ARF4: variants seen among roughly 807,000 people sequenced by gnomAD.
The protein encoded by ARF4 is ARF GTPase 4, also known as ADP-ribosylation factor 4.
In ARF4, 5 loss-of-function variants were observed where a neutral mutation model predicts 24.3. That is an observed-to-expected ratio of 0.21 (90% CI 0.11 to 0.43). ARF4 has a LOEUF of 0.43. Among genes scored for constraint, ARF4 ranks in the 20% least tolerant of loss-of-function variants. The probability of loss-of-function intolerance (pLI) is 1.00; values close to 1 mark genes in which losing one functional copy is unlikely to be tolerated. For missense variants in ARF4, 107 were observed against 213.0 expected, an observed-to-expected ratio of 0.50 and a Z score of 3.10; for synonymous variants, 62 against 73.5, an observed-to-expected ratio of 0.84 and a Z score of 0.80.
intron 2 of ARF4, 176 bp from the exon 3 acceptor site, chr3:57,584,183 G>T: frequency 1.4e-6 from 1 of 699,910 alleles, no homozygotes; most frequent in South Asian, 2.0e-5. Flanking sequence ...GGCTGGTCTT[G>T]AACTCCTGGG....
rs951563440 is a variant in ARF4 at position 57,578,754 on chromosome 3, C to T, written c.259-1367G>A. 5.9e-5 allele frequency among the ~76,000 whole-genome samples: 9 copies of T among 152,064 alleles called. No individual in the cohort carries two copies. In the East Asian group the frequency reaches 1.7e-3, roughly 29 times the overall value. ...TTGGCCTCCCAAAGTGTTGGGATTA[C>T]AGGCATGAGCCATGGCACCTGGCCC... On this transcript the variant is annotated intron_variant, in intron 3 of 5. Coordinates refer to ENST00000303436, the MANE Select transcript of ARF4 (RefSeq NM_001660.4).
At chr3:57,596,936 A>T in intron 1 of ARF4, 138 bp downstream of exon 1, 2 of 860,326 alleles carry the variant, frequency 2.3e-6, no homozygotes, top group Non-Finnish European at 3.6e-6. Flanking sequence ...GTTCCCCCTT[A>T]AGAATTCCTT....
chr3:57,582,191 C>G (rs1054319468), intron 3 of ARF4, among the ~76,000 whole-genome samples: 1 of 152,056 alleles, frequency 6.6e-6, no homozygotes, highest in Non-Finnish European at 1.5e-5. Context: ...GCATGTGCCT[C>G]TGTATCAAGT....
At chr3:57,592,721 G>A (rs1480674605) in intron 1 of ARF4, among the ~76,000 whole-genome samples, 8 of 152,154 alleles carry the variant, frequency 5.3e-5, no homozygotes, top group South Asian at 2.1e-4. Context: ...CCAGTGGCAT[G>A]AAACAGGATT....
intron 1 of ARF4, among the ~76,000 whole-genome samples, chr3:57,586,940 A>AAC (rs201504518): frequency 4.6e-5 from 7 of 151,662 alleles, no homozygotes; most frequent in Admixed American, 2.0e-4. Flanking sequence ...CTGATTAAGA[A>AAC]ACACACACAC....
At chr3:57,590,932 A>C (rs531578034) in intron 1 of ARF4, among the ~76,000 whole-genome samples, 14 of 152,332 alleles carry the variant, frequency 9.2e-5, no homozygotes, top group Admixed American at 9.2e-4. Flanking sequence ...TTTAAAATTG[A>C]ATATTTACTG....
intron 4 of ARF4, among the ~76,000 whole-genome samples, chr3:57,576,753 A>C (rs1134702): frequency 0.4 from 61,388 of 151,912 alleles, 13,288 homozygotes; most frequent in South Asian, 0.56. Flanking sequence ...GAACACATGA[A>C]AACATTAATC....
At chr3:57,577,832 T>C (rs2069924919) in intron 3 of ARF4, among the ~76,000 whole-genome samples, 1 of 151,776 alleles carries the variant, frequency 6.6e-6, no homozygotes. Context: ...AGGCCTGAAA[T>C]TGCTTGAACT....
intron 3 of ARF4, 65 bp downstream of exon 3, chr3:57,583,833 C>T (rs1435548139): frequency 1.8e-6 from 2 of 1,106,334 alleles, no homozygotes; most frequent in South Asian, 1.3e-5. Flanking sequence ...ATACTAGATA[C>T]TAATAAAAAC....
At chr3:57,595,603 G>T (rs1434652080) in intron 1 of ARF4, among the ~76,000 whole-genome samples, 1 of 152,176 alleles carries the variant, frequency 6.6e-6, no homozygotes, top group Non-Finnish European at 1.5e-5. Flanking sequence ...TATATACCTT[G>T]AAATATTACA....
intron 1 of ARF4, among the ~76,000 whole-genome samples, chr3:57,596,017 A>G (rs1276835380): frequency 6.6e-6 from 1 of 152,056 alleles, no homozygotes; most frequent in Admixed American, 6.6e-5. Context: ...TGAACCAACA[A>G]GTTTCAACGT....
chr3:57,578,052 A>G (rs1260683744), intron 3 of ARF4, among the ~76,000 whole-genome samples: 1 of 152,116 alleles, frequency 6.6e-6, no homozygotes, highest in Non-Finnish European at 1.5e-5. Context: ...CCCTATCTCA[A>G]AAAACAAACA....
At chr3:57,593,884 G>A (rs535333584) in intron 1 of ARF4, among the ~76,000 whole-genome samples, 2 of 152,004 alleles carry the variant, frequency 1.3e-5, no homozygotes, top group Admixed American at 1.3e-4. Flanking sequence ...AATTAGCCAG[G>A]CAGGTCTAAT....
intron 1 of ARF4, among the ~76,000 whole-genome samples, chr3:57,585,665 CTT>C (rs10651218): frequency 3.6e-5 from 5 of 137,068 alleles, no homozygotes; most frequent in African/African-American, 5.4e-5. Context: ...TATCTAAATT[CTT>C]TTTTTTTTTT....
At chr3:57,592,071 AT>A (rs933935889) in intron 1 of ARF4, among the ~76,000 whole-genome samples, 3 of 152,116 alleles carry the variant, frequency 2.0e-5, no homozygotes, top group African/African-American at 7.2e-5. Flanking sequence ...TTATATCTTG[AT>A]TTTTTTATTA....
chr3:57,595,952 CAAAA>C (rs1418504496), intron 1 of ARF4, among the ~76,000 whole-genome samples: 1 of 129,664 alleles, frequency 7.7e-6, no homozygotes, highest in African/African-American at 2.9e-5. Context: ...ACTCCGTCTG[CAAAA>C]AAAAAAAAGG....
At chr3:57,596,987 G>A in intron 1 of ARF4, 87 bp downstream of exon 1, 2 of 1,419,274 alleles carry the variant, frequency 1.4e-6, no homozygotes, top group Middle Eastern at 1.8e-4. Flanking sequence ...CACAGCGGGC[G>A]GAGGAAAAAA....
chr3:57,577,983 G>GT (rs202232842), intron 3 of ARF4, among the ~76,000 whole-genome samples: 2,443 of 152,156 alleles, frequency 0.016, 35 homozygotes, highest in Admixed American at 0.032. Flanking sequence ...AGCCCGAGAC[G>GT]GAGGTTGCAG....
chr3:57,581,102 T>G (rs2069965610), intron 3 of ARF4, among the ~76,000 whole-genome samples: 1 of 152,272 alleles, frequency 6.6e-6, no homozygotes, highest in Non-Finnish European at 1.5e-5. Context: ...ATTTACTTAT[T>G]TACAATGGCA....
Sources: allele counts gnomAD v4.1 joint callset (sites outside exome capture counted in the v4.1 genomes callset), GRCh38; gene constraint gnomAD v4.1.1; transcripts MANE v1.5; gene names NCBI Gene and HGNC (gene_info 2026-07-23, HGNC 2026-07-21).